Variants in ADAMTS20 observed in about 807,000 individuals in gnomAD.
ADAMTS20 encodes the protein A disintegrin and metalloproteinase with thrombospondin motifs 20.
A neutral mutation model predicts 260.1 loss-of-function variants in ADAMTS20; 225 were observed. The ratio of observed to expected loss-of-function variants is 0.87; its 90% CI spans 0.78 to 0.97. The LOEUF (loss-of-function observed/expected upper bound fraction) is 0.97, where lower values mean the gene tolerates loss of function less well. Among genes scored for constraint, ADAMTS20 ranks in the 50% least tolerant of loss-of-function variants. The probability of loss-of-function intolerance (pLI) is 0.00; values close to 1 mark genes in which losing one functional copy is unlikely to be tolerated. For synonymous variants in ADAMTS20, 802 were observed against 769.5 expected, an observed-to-expected ratio of 1.04 and a Z score of -0.70; for missense variants, 2,400 against 2,337.7, an observed-to-expected ratio of 1.03 and a Z score of -0.55.
intron 28 of ADAMTS20, among the ~76,000 whole-genome samples, chr12:43,399,850 C>T (rs965683735): frequency 4.6e-5 from 7 of 152,020 alleles, no homozygotes; most frequent in African/African-American, 1.4e-4. Context: ...GGTAAAATAA[C>T]GATTTGACTT....
Position 43,377,423 on chromosome 12 carries a change from TA to T in ADAMTS20, c.4936del (p.Tyr1646ThrfsTer23), listed in dbSNP as rs1362680754. ...ECPVVPSSQVYQCINSCLHLA... is the reference protein window; with the variant it reads ...ECPVVPSSQVXQCINSCLHLA... ...ATGCAAACAGCTGTTAATGCATTGG[TA>T]AACCTGAGAGGAAGGCACCACAGGG... On this transcript the variant is annotated frameshift_variant, in exon 32 of 39. Transcript: ENST00000389420. LOFTEE classifies it high-confidence loss of function. 6.2e-7 allele frequency: 1 copy of T among 1,613,570 alleles called. No homozygotes were observed. Among genetic ancestry groups the T allele is most frequent in the East Asian group, 2.2e-5 (1 of 44,876 alleles).
chr12:43,503,321 G>A (rs1942794904), intron 3 of ADAMTS20, among the ~76,000 whole-genome samples: 1 of 151,978 alleles, frequency 6.6e-6, no homozygotes, highest in African/African-American at 2.4e-5. Flanking sequence ...AGAAATAAAG[G>A]TCCTGGATAG....
Position 43,514,105 on chromosome 12 carries a change from A to C in ADAMTS20, c.614-11700T>G, listed in dbSNP as rs1017874789. On this transcript the variant is annotated intron_variant, in intron 3 of 38. Transcript: ENST00000389420. ...AAACTCTAAAAAAAAAAAAAAAAAA[A>C]AAAAAGTGAGGGATCATTTGTGTAG... is the stretch of plus-strand genomic sequence containing the variant. 3.9e-4 allele frequency among the ~76,000 whole-genome samples: 51 copies of C among 130,030 alleles called. No homozygotes were observed. The South Asian group carries it at 0.014, about 36-fold the overall frequency. The allele number at this position is 130,030 out of a possible 152,430, so 85.3% of individuals were successfully genotyped here. A position where few individuals can be genotyped will look rare whatever the true frequency, so the allele number is the denominator to read the frequency against.
Position 43,526,498 on chromosome 12 carries a change from A to G in ADAMTS20, c.613+5538T>C, listed in dbSNP as rs7315779. Among the ~76,000 whole-genome samples the G allele has an allele frequency of 6.0e-3, 920 of 152,258 alleles. 12 individuals are homozygous for G. The highest frequency in any genetic ancestry group is 0.021 in the African/African-American group (878 of 41,556). Reference sequence around the variant, plus strand: ...ATCATATCAAATATCTTCTCAGACCACAGTGAAGTAAAACAAGAAATCAAC... The same window carrying G: ...ATCATATCAAATATCTTCTCAGACCGCAGTGAAGTAAAACAAGAAATCAAC... On this transcript the variant is annotated intron_variant, in intron 3 of 38. Transcript: ENST00000389420.
At chr12:43,450,363 T>G (rs185939421) in intron 14 of ADAMTS20, among the ~76,000 whole-genome samples, 1 of 152,288 alleles carries the variant, frequency 6.6e-6, no homozygotes, top group African/African-American at 2.4e-5. Flanking sequence ...CTAGTGAATT[T>G]TTTTATACAC....
intron 12 of ADAMTS20, 128 bp downstream of exon 12, chr12:43,453,779 G>C: frequency 1.0e-6 from 1 of 971,376 alleles, no homozygotes; most frequent in East Asian, 2.7e-5. Flanking sequence ...GACTTAAAGT[G>C]CTCCAGAAAT....
intron 29 of ADAMTS20, among the ~76,000 whole-genome samples, chr12:43,393,131 G>A (rs1287378463): frequency 6.6e-6 from 1 of 152,028 alleles, no homozygotes; most frequent in Non-Finnish European, 1.5e-5. Context: ...TTCTAAGGTT[G>A]TAGATACAGG....
chr12:43,421,005 C>A (rs941905350), intron 28 of ADAMTS20, among the ~76,000 whole-genome samples: 2 of 151,038 alleles, frequency 1.3e-5, no homozygotes, highest in African/African-American at 4.9e-5. Flanking sequence ...ACGGGGGTTT[C>A]ACCATGTTGG....
Position 43,431,374 on chromosome 12 carries a change from T to C in ADAMTS20, c.3219A>G (p.Glu1073=), listed in dbSNP as rs777136475. 3.1e-6 allele frequency: 5 copies of C among 1,613,802 alleles called. No homozygotes were observed. The African/African-American group carries it at 5.3e-5, about 17-fold the overall frequency. ...CTTGCCAGGAAGCACATGTATGAAG[T>C]TCACATGGACTCAGAGATTCAGGTT... ...STKPESLSPC[E]LHTCASWQVG... is the part of the protein sequence containing the mutation. Residue 1073 remains glutamate, a synonymous_variant, in exon 22 of 39, where the codon GAA becomes GAG. Coordinates refer to ENST00000389420, the MANE Select transcript of ADAMTS20 (RefSeq NM_025003.5).
chr12:43,446,250 A>G (rs982058078), intron 15 of ADAMTS20, among the ~76,000 whole-genome samples: 1 of 152,160 alleles, frequency 6.6e-6, no homozygotes, highest in Non-Finnish European at 1.5e-5. Flanking sequence ...AATCACAAAT[A>G]TATACATTTT....
At chr12:43,433,846 G>C (rs1033943155) in intron 19 of ADAMTS20, 2 of 440,158 alleles carry the variant, frequency 4.5e-6, no homozygotes, top group Admixed American at 2.6e-5. Context: ...GAATGTCAAG[G>C]AAATCAATCA....
intron 31 of ADAMTS20, among the ~76,000 whole-genome samples, chr12:43,379,668 G>C (rs1940306950): frequency 6.6e-6 from 1 of 152,150 alleles, no homozygotes; most frequent in Non-Finnish European, 1.5e-5. Context: ...ACTAAACTAA[G>C]TGAGCAGAGA....
At chr12:43,471,372 C>A (rs1043627710) in intron 7 of ADAMTS20, among the ~76,000 whole-genome samples, 9 of 135,174 alleles carry the variant, frequency 6.7e-5, no homozygotes, top group African/African-American at 2.5e-4. Flanking sequence ...GCACAGCAGT[C>A]TGAGATCAAA....
chr12:43,490,470 G>C, intron 6 of ADAMTS20, 35 bp from the exon 7 acceptor site: 1 of 1,194,648 alleles, frequency 8.4e-7, no homozygotes, highest in Non-Finnish European at 1.1e-6. Context: ...AGCATTTTTG[G>C]AAAATATTTT....
At chr12:43,400,433 CAA>C (rs1158406035) in intron 28 of ADAMTS20, among the ~76,000 whole-genome samples, 1 of 151,964 alleles carries the variant, frequency 6.6e-6, no homozygotes, top group Non-Finnish European at 1.5e-5. Flanking sequence ...CAATATGTTG[CAA>C]TAATGCATTG....
At chr12:43,512,942 A>G (rs1942945480) in intron 3 of ADAMTS20, among the ~76,000 whole-genome samples, 2 of 152,208 alleles carry the variant, frequency 1.3e-5, no homozygotes, top group Admixed American at 6.5e-5. Flanking sequence ...AACCAGGGTC[A>G]TGTTGGTAAA....
intron 28 of ADAMTS20, among the ~76,000 whole-genome samples, chr12:43,420,922 C>G (rs989750696): frequency 1.3e-5 from 2 of 150,302 alleles, no homozygotes; most frequent in African/African-American, 2.4e-5. Context: ...ATTCTTCTGC[C>G]TCAGCCTCCA....
chr12:43,377,646 T>C (rs1260548666), intron 31 of ADAMTS20, 84 bp from the exon 32 acceptor site: 6 of 1,046,372 alleles, frequency 5.7e-6, no homozygotes, highest in Admixed American at 2.7e-5. Flanking sequence ...ATATATATTA[T>C]GCTGTGTCAT....
rs564366347 is a variant in ADAMTS20 at position 43,517,471 on chromosome 12, C to T, written c.613+14565G>A. Among the ~76,000 whole-genome samples, 119 of 151,904 alleles carry T rather than the reference C, an allele frequency of 7.8e-4. 1 individual carries two copies. The highest frequency in any genetic ancestry group is 2.8e-3 in the African/African-American group (117 of 41,486). Reference sequence around the variant, plus strand: ...CTGTCAAAAGAAAACCCACCAAATGCCCAAGAAGAAAACTAACGAAAGATG... The same window carrying T: ...CTGTCAAAAGAAAACCCACCAAATGTCCAAGAAGAAAACTAACGAAAGATG... On this transcript the variant is annotated intron_variant, in intron 3 of 38. Transcript: ENST00000389420.
Sources: allele counts gnomAD v4.1 joint callset (sites outside exome capture counted in the v4.1 genomes callset), GRCh38; gene constraint gnomAD v4.1.1; transcripts MANE v1.5; gene names NCBI Gene and HGNC (gene_info 2026-07-23, HGNC 2026-07-21).